NEMP2: variants seen among roughly 807,000 people sequenced by gnomAD.
The protein encoded by NEMP2 is UPF0571 transmembrane protein.
NEMP2 carries 53 observed loss-of-function variants against 54.2 expected under a neutral mutation model. The ratio of observed to expected loss-of-function variants is 0.98; its 90% CI spans 0.78 to 1.23. The LOEUF (loss-of-function observed/expected upper bound fraction) is 1.23. Among genes scored for constraint, NEMP2 ranks in the 50% most tolerant of loss-of-function variants. The pLI, the probability that NEMP2 is intolerant of heterozygous loss-of-function variation, is 0.00. For synonymous variants in NEMP2, 197 were observed against 190.3 expected, an observed-to-expected ratio of 1.04 and a Z score of -0.29; for missense variants, 455 against 511.3, an observed-to-expected ratio of 0.89 and a Z score of 1.06.
the NEMP2 span, among the ~76,000 whole-genome samples, chr2:190,446,560 C>T: frequency 6.6e-6 from 1 of 152,122 alleles, no homozygotes; most frequent in African/African-American, 2.4e-5. Context: ...AATTATCTGG[C>T]AGTGTCATGA....
At position 190,509,312 on chromosome 2, in the gene NEMP2, TC is replaced by T. The variant is rs1172980209; in HGVS notation, c.1131-1del. On this transcript the variant is annotated splice_acceptor_variant, in intron 8 of 8. Transcript: ENST00000409150. LOFTEE classifies it high-confidence loss of function. This position sits in a 1 kb window ranked among gnomAD's most constrained non-coding sequence, Gnocchi z 6.1. The stretch of plus-strand genomic sequence containing the variant: ...TTCCTCCAAGAACAAAGTCTGCAAA[TC>T]TAACAAGTTTTTTGTTTTAAATAAA... 1.3e-6 allele frequency: 2 copies of T among 1,551,610 alleles called. No homozygotes were observed. Among genetic ancestry groups the T allele is most frequent in the Non-Finnish European group, 1.7e-6 (2 of 1,146,968 alleles).
the NEMP2 span, among the ~76,000 whole-genome samples, chr2:190,472,085 T>C: frequency 6.6e-6 from 1 of 152,118 alleles, no homozygotes; most frequent in Non-Finnish European, 1.5e-5. Context: ...CAAAACCCCA[T>C]CTGTACGTCA....
chr2:190,574,029 C>G, the NEMP2 span, among the ~76,000 whole-genome samples: 1 of 152,222 alleles, frequency 6.6e-6, no homozygotes, highest in Non-Finnish European at 1.5e-5. Context: ...AGCTGCAGAG[C>G]TGGCTTTCAA....
the NEMP2 span, among the ~76,000 whole-genome samples, chr2:190,570,389 T>C: frequency 6.6e-6 from 1 of 152,182 alleles, no homozygotes; most frequent in Non-Finnish European, 1.5e-5. The surrounding 1 kb of genome is among the most constrained non-coding windows in gnomAD (Gnocchi z 5.4). Flanking sequence ...GTTGAAACAA[T>C]TTATATCATT....
the NEMP2 span, among the ~76,000 whole-genome samples, chr2:190,474,624 T>C: frequency 6.6e-5 from 10 of 152,196 alleles, no homozygotes; most frequent in Admixed American, 6.5e-4. Context: ...CACAGCTGAA[T>C]TCGACCAGAG....
chr2:190,453,341 G>C, the NEMP2 span, among the ~76,000 whole-genome samples: 30 of 152,256 alleles, frequency 2.0e-4, no homozygotes, highest in African/African-American at 7.0e-4. Context: ...GAATTTCTAT[G>C]AGATGGGGAG....
the NEMP2 span, chr2:190,469,728 A>AT: frequency 7.5e-5 from 77 of 1,025,746 alleles, no homozygotes; most frequent in Admixed American, 8.4e-4. The surrounding 1 kb of genome is among the most constrained non-coding windows in gnomAD (Gnocchi z 5.3). Context: ...GCTTTTTTTT[A>AT]TTTTATTTTT....
At chr2:190,422,724 A>G in the NEMP2 span, among the ~76,000 whole-genome samples, 1 of 152,058 alleles carries the variant, frequency 6.6e-6, no homozygotes, top group South Asian at 2.1e-4. Flanking sequence ...GGGTCATTTC[A>G]CTCAGACAAC....
At chr2:190,483,244 A>G in the NEMP2 span, among the ~76,000 whole-genome samples, 1 of 152,136 alleles carries the variant, frequency 6.6e-6, no homozygotes, top group Non-Finnish European at 1.5e-5. Flanking sequence ...TATTAACAAC[A>G]AAATCTCTCA....
chr2:190,566,461 G>A, the NEMP2 span, among the ~76,000 whole-genome samples: 1 of 151,900 alleles, frequency 6.6e-6, no homozygotes, highest in South Asian at 2.1e-4. Context: ...TGTACTAGAA[G>A]TACAAAAAAT....
At chr2:190,551,098 TTTA>T in the NEMP2 span, among the ~76,000 whole-genome samples, 3 of 151,668 alleles carry the variant, frequency 2.0e-5, no homozygotes, top group Admixed American at 2.0e-4. Flanking sequence ...TTTTTTTTTT[TTTA>T]AGTTCATCCA....
chr2:190,624,538 G>T, the NEMP2 span: 1 of 152,182 alleles, frequency 6.6e-6, no homozygotes, highest in Non-Finnish European at 1.5e-5. Flanking sequence ...ATTCACAATA[G>T]CCAAGATATA....
At chr2:190,473,153 C>T in the NEMP2 span, among the ~76,000 whole-genome samples, 2 of 152,128 alleles carry the variant, frequency 1.3e-5, no homozygotes, top group South Asian at 2.1e-4. Context: ...TAAAGACCAT[C>T]GAGGCTAGGA....
the NEMP2 span, among the ~76,000 whole-genome samples, chr2:190,572,833 G>GTGTATATATATATATA: frequency 4.2e-5 from 2 of 47,862 alleles, no homozygotes; most frequent in Non-Finnish European, 7.5e-5. Flanking sequence ...CTTTTCATGA[G>GTGTATATATATATATA]TATATATATA....
chr2:190,618,813 A>G, the NEMP2 span, among the ~76,000 whole-genome samples: 1 of 152,226 alleles, frequency 6.6e-6, no homozygotes, highest in Admixed American at 6.5e-5. Context: ...TCCTGGACTC[A>G]AGCGATCTCC....
the NEMP2 span, among the ~76,000 whole-genome samples, chr2:190,603,565 G>A: frequency 6.8e-6 from 1 of 146,346 alleles, no homozygotes; most frequent in African/African-American, 2.6e-5. Flanking sequence ...CCTACTCCTG[G>A]GGCAGTGTCT....
rs1188992305 is a variant in NEMP2, at chr2:190,527,789, T to C, written c.98-2411A>G. Among the ~76,000 whole-genome samples the C allele has an allele frequency of 6.6e-6, 1 of 152,092 alleles. No individual in the cohort carries two copies. Among genetic ancestry groups the C allele is most frequent in the African/African-American group, 2.4e-5 (1 of 41,402 alleles). On this transcript the variant is annotated intron_variant, in intron 1 of 8. Transcript: ENST00000409150. The surrounding 1 kb of genome is among the most constrained non-coding windows in gnomAD (Gnocchi z 4.0). ...CTGTCAGATCAGCAGTGGCATTAGA[T>C]TATCATAGGAGCGTGAACCTTACTG...
the NEMP2 span, chr2:190,624,629 T>C: frequency 1.3e-5 from 2 of 152,214 alleles, no homozygotes; most frequent in African/African-American, 4.8e-5. Context: ...TATTCAGCCA[T>C]AAAAAATACA....
the NEMP2 span, among the ~76,000 whole-genome samples, chr2:190,628,994 C>A: frequency 2.6e-5 from 4 of 152,204 alleles, no homozygotes; most frequent in Non-Finnish European, 5.9e-5. This position sits in a 1 kb window ranked among gnomAD's most constrained non-coding sequence, Gnocchi z 4.1. Flanking sequence ...GAATCTCAAA[C>A]TCAATTAAGA....
Sources: gnomAD v4.1 joint callset for allele counts (sites outside exome capture counted in the v4.1 genomes callset) on GRCh38, gnomAD v4.1.1 for gene constraint, Gnocchi (gnomAD v3.1) non-coding constraint, MANE v1.5 for transcripts, NCBI Gene and HGNC (gene_info 2026-07-23, HGNC 2026-07-21) for gene names.